Variants in FGD4 observed in about 807,000 individuals in gnomAD.
The protein encoded by FGD4 is FYVE, RhoGEF and PH domain containing 4.
In FGD4, 42 loss-of-function variants were observed where a neutral mutation model predicts 102.0. The observed-to-expected ratio is 0.41, with a 90% CI of 0.32 to 0.53. The LOEUF is 0.53. Ranked by LOEUF, FGD4 falls within the 20% of genes least tolerant of loss-of-function variation. FGD4 has a pLI of 0.21. For missense variants in FGD4, 902 were observed against 1,078.2 expected, an observed-to-expected ratio of 0.84 and a Z score of 2.29; for synonymous variants, 380 against 375.7, an observed-to-expected ratio of 1.01 and a Z score of -0.13.
chr12:32,421,573 C>T (rs1458314028), intron 1 of FGD4, among the ~76,000 whole-genome samples: 1 of 152,114 alleles, frequency 6.6e-6, no homozygotes. Flanking sequence ...CTATCATATC[C>T]CATTTCCACT....
In FGD4 at chr12:32,633,634, A is replaced by G. The variant is rs1348566104; in HGVS notation, c.2258A>G (p.Gln753Arg). The G allele has an allele frequency of 3.7e-6, 6 of 1,611,866 alleles. No individual in the cohort carries two copies. The highest frequency in any genetic ancestry group is 4.2e-6 in the Non-Finnish European group (5 of 1,177,988). Residue 753 changes from glutamine (Q) to arginine (R), a missense_variant, in exon 15 of 17, where the codon CAA becomes CGA. Coordinates refer to ENST00000534526, the MANE Select transcript of FGD4 (RefSeq NM_001370298.3). The stretch of plus-strand genomic sequence containing the variant: ...AGCAAAGTTTGTAAAGACTGTTATC[A>G]AATCATAAGTGGATTCACAGACAGT... ...KLSKVCKDCY[Q>R]IISGFTDSEE...
intron 7 of FGD4, among the ~76,000 whole-genome samples, chr12:32,607,363 A>T (rs1314438725): frequency 6.6e-6 from 1 of 152,200 alleles, no homozygotes; most frequent in Non-Finnish European, 1.5e-5. Context: ...CCCAGGAGGC[A>T]GAGGTTGCAG....
intron 1 of FGD4, among the ~76,000 whole-genome samples, chr12:32,429,258 A>G (rs995964212): frequency 4.6e-5 from 7 of 152,120 alleles, no homozygotes; most frequent in Non-Finnish European, 7.3e-5. Flanking sequence ...TCTGTTTGTT[A>G]GTTTTCCTTC....
intron 4 of FGD4, among the ~76,000 whole-genome samples, chr12:32,587,131 A>G (rs1947106349): frequency 6.9e-6 from 1 of 145,184 alleles, no homozygotes; most frequent in African/African-American, 2.6e-5. Context: ...TGGAGGTTGC[A>G]GTGAGCCTAG....
chr12:32,551,180 A>G (rs898993333), intron 1 of FGD4, among the ~76,000 whole-genome samples: 6 of 152,284 alleles, frequency 3.9e-5, no homozygotes, highest in Admixed American at 2.6e-4. Flanking sequence ...GTGGTAGGAA[A>G]ATAGAACTCA....
At chr12:32,636,048 TCTA>T (rs570275321) in intron 15 of FGD4, among the ~76,000 whole-genome samples, 61 of 150,396 alleles carry the variant, frequency 4.1e-4, no homozygotes, top group African/African-American at 1.5e-3. Context: ...ATAATAAGGA[TCTA>T]CTAATAAGAA....
At chr12:32,533,293 G>C (rs375840692) in intron 1 of FGD4, among the ~76,000 whole-genome samples, 6 of 152,322 alleles carry the variant, frequency 3.9e-5, no homozygotes, top group Admixed American at 6.5e-5. Context: ...GTGCACACTA[G>C]AGAGAGGGAA....
intron 1 of FGD4, among the ~76,000 whole-genome samples, chr12:32,545,055 C>T (rs552520108): frequency 6.6e-6 from 1 of 152,294 alleles, no homozygotes; most frequent in South Asian, 2.1e-4. Context: ...GAGCTACTGA[C>T]CTTGAGAAGC....
intron 1 of FGD4, among the ~76,000 whole-genome samples, chr12:32,462,424 G>C (rs935371363): frequency 6.6e-6 from 1 of 152,188 alleles, no homozygotes; most frequent in Non-Finnish European, 1.5e-5. Context: ...GCCTCCCAAA[G>C]TGCTGGGATT....
intron 1 of FGD4, among the ~76,000 whole-genome samples, chr12:32,530,365 T>A (rs943257488): frequency 2.2e-4 from 33 of 151,956 alleles, no homozygotes; most frequent in Non-Finnish European, 5.9e-5. Context: ...TGTCTATAAT[T>A]CCAGCTACTA....
At chr12:32,551,777 G>C (rs910464160) in intron 1 of FGD4, among the ~76,000 whole-genome samples, 6 of 152,136 alleles carry the variant, frequency 3.9e-5, no homozygotes, top group African/African-American at 1.4e-4. Context: ...AGGCCTATCT[G>C]CACAGTAATA....
chr12:32,561,070 G>GGTTTTT (rs1944512299), intron 1 of FGD4, among the ~76,000 whole-genome samples: 3 of 90,788 alleles, frequency 3.3e-5, no homozygotes, highest in East Asian at 6.1e-4. Flanking sequence ...TCTTTGTTGG[G>GGTTTTT]TTTTGTTTTT....
chr12:32,592,076 A>ATATT (rs1316087361), intron 4 of FGD4, among the ~76,000 whole-genome samples: 7 of 151,920 alleles, frequency 4.6e-5, no homozygotes, highest in Middle Eastern at 3.4e-3. Flanking sequence ...AAAAATTAAT[A>ATATT]TATTTATTTA....
Position 32,477,838 on chromosome 12 carries a change from A to C in FGD4, c.166+77879A>C, listed in dbSNP as rs1393388160. On this transcript the variant is annotated intron_variant, in intron 1 of 16. Transcript: ENST00000534526. ...GGATGACAGAAGCCCAGGGCTTTCT[A>C]TCACTTGGAACTTTTGTGGTGCAGC... Among the ~76,000 whole-genome samples, 3 of 152,240 alleles carry C rather than the reference A, an allele frequency of 2.0e-5. No homozygotes were observed. In the East Asian group the frequency reaches 5.8e-4, roughly 29 times the overall value.
intron 1 of FGD4, among the ~76,000 whole-genome samples, chr12:32,529,519 A>G (rs924878569): frequency 6.6e-6 from 1 of 151,918 alleles, no homozygotes; most frequent in African/African-American, 2.4e-5. Context: ...CTTTTTTGCC[A>G]GTATATGCTT....
intron 1 of FGD4, among the ~76,000 whole-genome samples, chr12:32,548,280 T>A (rs1389991943): frequency 6.6e-6 from 1 of 152,180 alleles, no homozygotes; most frequent in Non-Finnish European, 1.5e-5. Context: ...TCAAGTTTCT[T>A]ATCAAATGAA....
chr12:32,457,709 A>T (rs1353704235), intron 1 of FGD4, among the ~76,000 whole-genome samples: 2 of 152,166 alleles, frequency 1.3e-5, no homozygotes, highest in Admixed American at 6.5e-5. Flanking sequence ...TCTTACTAAA[A>T]TGATCAGTTT....
At chr12:32,477,897 T>C (rs1234198506) in intron 1 of FGD4, among the ~76,000 whole-genome samples, 2 of 152,150 alleles carry the variant, frequency 1.3e-5, no homozygotes, top group Non-Finnish European at 2.9e-5. Flanking sequence ...ACAAAACAGA[T>C]GGCAGCAGAG....
chr12:32,577,432 G>A (rs1481526768), intron 3 of FGD4, among the ~76,000 whole-genome samples: 1 of 152,158 alleles, frequency 6.6e-6, no homozygotes, highest in African/African-American at 2.4e-5. Context: ...TGAAATCATA[G>A]CTTGGAAATA....
Sources: gnomAD v4.1 joint callset for allele counts (sites outside exome capture counted in the v4.1 genomes callset) on GRCh38, gnomAD v4.1.1 for gene constraint, MANE v1.5 for transcripts, NCBI Gene and HGNC (gene_info 2026-07-23, HGNC 2026-07-21) for gene names.